NBAS: variants seen among roughly 807,000 people sequenced by gnomAD.
NBAS encodes NAG/BC035112 fusion.
A neutral mutation model predicts 302.5 loss-of-function variants in NBAS; 219 were observed. The ratio of observed to expected loss-of-function variants is 0.72; its 90% confidence interval spans 0.65 to 0.81. The LOEUF is 0.81. Ranked by LOEUF, NBAS falls within the 30% of genes least tolerant of loss-of-function variation. NBAS has a pLI of 0.00. For missense variants in NBAS, 2,932 were observed against 2,841.6 expected (o/e 1.03, Z -0.72); for synonymous variants, 1,118 against 1,021.6 (o/e 1.09, Z -1.80).
intron 48 of NBAS, among the ~76,000 whole-genome samples, chr2:15,196,374 C>G (rs1420509425): frequency 6.6e-6 from 1 of 152,118 alleles, no homozygotes; most frequent in Non-Finnish European, 1.5e-5. Context: ...ATGTCAATAT[C>G]CCGGTTGGAT....
chr2:15,556,793 T>C lies in NBAS; in HGVS notation c.199A>G (p.Ile67Val). 1.2e-6 allele frequency: 2 copies of C among 1,610,864 alleles called. No homozygotes were observed. The highest frequency in any genetic ancestry group is 1.1e-5 in the South Asian group (1 of 90,952). The stretch of plus-strand genomic sequence containing the variant: ...GAACCGAAGACTCACCTGTACCAGA[T>C]GTATTGGCGTAAAAATAATAAACGA... ...RDRLLFLRQYIWYSPAPFLLP... is the reference protein window; with the variant it reads ...RDRLLFLRQYVWYSPAPFLLP... Residue 67 changes from isoleucine to valine, a missense_variant, in exon 3 of 52, where the codon ATC becomes GTC. Coordinates refer to ENST00000281513, the MANE Select transcript of NBAS (RefSeq NM_015909.4).
At chr2:14,962,548 T>C in the NBAS span, among the ~76,000 whole-genome samples, 1 of 152,098 alleles carries the variant, frequency 6.6e-6, no homozygotes, top group African/African-American at 2.4e-5. Context: ...ATAGATTCTT[T>C]TGTTCTTCCC....
chr2:15,421,556 A>T (rs534519987), intron 23 of NBAS, among the ~76,000 whole-genome samples: 1 of 151,938 alleles, frequency 6.6e-6, no homozygotes, highest in South Asian at 2.1e-4. Context: ...AGATAAAACT[A>T]TGTCAGATAT....
chr2:15,229,215 AC>A (rs1667270750), intron 47 of NBAS, among the ~76,000 whole-genome samples: 1 of 151,550 alleles, frequency 6.6e-6, no homozygotes, highest in South Asian at 2.1e-4. Flanking sequence ...GGTAGTGGGC[AC>A]CTGTAATCCC....
At chr2:14,989,472 C>T in the NBAS span, among the ~76,000 whole-genome samples, 4 of 151,872 alleles carry the variant, frequency 2.6e-5, no homozygotes, top group East Asian at 1.9e-4. Context: ...GCAGGAGAAT[C>T]GCCTAAAACC....
chr2:15,137,721 C>G, the NBAS span, among the ~76,000 whole-genome samples: 1 of 152,136 alleles, frequency 6.6e-6, no homozygotes, highest in Non-Finnish European at 1.5e-5. Context: ...GGAAATTTTA[C>G]TTCTGTACCC....
At chr2:15,419,695 A>G (rs1032769865) in intron 23 of NBAS, among the ~76,000 whole-genome samples, 1 of 151,930 alleles carries the variant, frequency 6.6e-6, no homozygotes, top group Non-Finnish European at 1.5e-5. Flanking sequence ...GCCAAAGTAC[A>G]TGTACTTGGT....
Position 15,556,813 on chromosome 2 carries a change from A to G in NBAS, c.179T>C (p.Leu60Ser), listed in dbSNP as rs1437358797. 1.2e-6 allele frequency: 2 copies of G among 1,610,742 alleles called. No homozygotes were observed. Among genetic ancestry groups the G allele is most frequent in the Admixed American group, 3.3e-5 (2 of 59,982 alleles). Residue 60 changes from leucine (L) to serine (S), a missense_variant, in exon 3 of 52, where the codon TTA (leucine) becomes TCA (serine). Physicochemically the swap from Leu to Ser is moderately radical, Grantham distance 145. Transcript: ENST00000281513. Reference protein sequence around the residue: ...FIITKAIRDRLLFLRQYIWYS... With the variant: ...FIITKAIRDRSLFLRQYIWYS... ...CCAGATGTATTGGCGTAAAAATAAT[A>G]AACGATCTGTAATCAAAAGAAATGG...
At chr2:14,868,246 A>T in the NBAS span, among the ~76,000 whole-genome samples, 5 of 152,264 alleles carry the variant, frequency 3.3e-5, no homozygotes, top group African/African-American at 9.6e-5. Context: ...CATGCATCCC[A>T]TCTAGTCTAT....
chr2:15,108,716 C>A, the NBAS span, among the ~76,000 whole-genome samples: 1 of 152,062 alleles, frequency 6.6e-6, no homozygotes, highest in African/African-American at 2.4e-5. Flanking sequence ...GTTTTGAAAT[C>A]CATAATTGAT....
intron 26 of NBAS, among the ~76,000 whole-genome samples, chr2:15,400,345 T>G (rs779379975): frequency 3.3e-5 from 5 of 151,972 alleles, no homozygotes; most frequent in Non-Finnish European, 5.9e-5. Context: ...AAGGAAATTA[T>G]TCAATCCAGG....
chr2:15,209,658 A>C (rs1446661130), intron 48 of NBAS, among the ~76,000 whole-genome samples: 1 of 152,174 alleles, frequency 6.6e-6, no homozygotes, highest in Non-Finnish European at 1.5e-5. Context: ...AAGACCTAGA[A>C]TAGCCAAAGC....
rs1397436645 is a variant in NBAS at position 15,524,417 on chromosome 2, T to C, written c.746+10126A>G. 3.9e-5 allele frequency among the ~76,000 whole-genome samples: 6 copies of C among 152,210 alleles called. No individual in the cohort carries two copies. The South Asian group carries it at 8.3e-4, about 21-fold the overall frequency. ...AGATTGTGTGCCTGCACTTATTACATGTCCCGGTCCAAACTGGGGTCTGAC... is the reference window on the plus strand; with the variant it reads ...AGATTGTGTGCCTGCACTTATTACACGTCCCGGTCCAAACTGGGGTCTGAC... On this transcript the variant is annotated intron_variant, in intron 9 of 51. Coordinates refer to ENST00000281513, the MANE Select transcript of NBAS (RefSeq NM_015909.4).
chr2:15,558,559 A>G (rs770944860), intron 2 of NBAS, 21 bp downstream of exon 2: 24 of 1,603,154 alleles, frequency 1.5e-5, no homozygotes, highest in Middle Eastern at 1.7e-4. Flanking sequence ...TCATTACTGT[A>G]GAGAAATAAG....
At chr2:15,377,324 T>A (rs771880556) in intron 30 of NBAS, among the ~76,000 whole-genome samples, 2 of 152,158 alleles carry the variant, frequency 1.3e-5, no homozygotes, top group Admixed American at 6.6e-5. Context: ...AAAATTAATT[T>A]AGAGAAGGGG....
chr2:14,804,320 C>G, the NBAS span, among the ~76,000 whole-genome samples: 1 of 152,188 alleles, frequency 6.6e-6, no homozygotes, highest in South Asian at 2.1e-4. Context: ...TTTACAATGG[C>G]CCCCAAGCAT....
chr2:15,449,721 G>GT (rs1678919081), intron 21 of NBAS, among the ~76,000 whole-genome samples: 1 of 152,174 alleles, frequency 6.6e-6, no homozygotes, highest in Non-Finnish European at 1.5e-5. Context: ...AATAGAGGCT[G>GT]TTAGGCCTTT....
the NBAS span, among the ~76,000 whole-genome samples, chr2:15,124,211 T>G: frequency 6.6e-6 from 1 of 152,170 alleles, no homozygotes; most frequent in Non-Finnish European, 1.5e-5. Context: ...TGACTTATGG[T>G]ACCCAGTGGA....
At chr2:14,853,622 C>T in the NBAS span, among the ~76,000 whole-genome samples, 1 of 86,904 alleles carries the variant, frequency 1.2e-5, no homozygotes, top group Non-Finnish European at 2.2e-5. Context: ...CACATGCACA[C>T]ATATGTTTAT....
Sources: allele counts gnomAD v4.1 joint callset (sites outside exome capture counted in the v4.1 genomes callset), GRCh38; gene constraint gnomAD v4.1.1; transcripts MANE v1.5; gene names NCBI Gene and HGNC (gene_info 2026-07-23, HGNC 2026-07-21).